Variants in TP53TG5 observed in about 807,000 individuals in gnomAD.
TP53TG5 encodes the protein TP53-target gene 5 protein.
A neutral mutation model predicts 30.0 loss-of-function variants in TP53TG5; 17 were observed. That is an observed-to-expected ratio of 0.57 (90% CI 0.39 to 0.85). The LOEUF is 0.85. Ranked by LOEUF, TP53TG5 falls within the 40% of genes least tolerant of loss-of-function variation. TP53TG5 has a pLI of 0.00. For missense variants in TP53TG5, 338 were observed against 367.9 expected (o/e 0.92, Z 0.67); for synonymous variants, 137 against 139.2 (o/e 0.98, Z 0.11).
Position 45,374,013 on chromosome 20 carries a change from T to A in TP53TG5, c.769-2A>T, listed in dbSNP as rs183076524. 1.9e-4 allele frequency: 306 copies of A among 1,613,920 alleles called. 1 individual carries two copies. The highest frequency in any genetic ancestry group is 4.7e-5 in the Non-Finnish European group (55 of 1,180,000). On this transcript the variant is annotated splice_acceptor_variant, in intron 4 of 4. Transcript: ENST00000372726. LOFTEE classifies it high-confidence loss of function. ...GGCTCTCGTCCAGGTCACATCAACC[T>A]GCCAGCAGAAACCTCGGTGTTAGGC...
At position 45,373,693 on chromosome 20, in the gene TP53TG5, A is replaced by T. The variant is rs1568921265; in HGVS notation, c.*214T>A. ...GCGCCCTGACTTCACAGAGCGCGCC[A>T]CTCAGGAGACTAGCTCGCGGAGGTG... is the stretch of plus-strand genomic sequence containing the variant. On this transcript the variant is annotated 3_prime_UTR_variant, in exon 5 of 5. Coordinates refer to ENST00000372726, the MANE Select transcript of TP53TG5 (RefSeq NM_014477.3). 4 of 584,128 alleles carry T rather than the reference A, an allele frequency of 6.8e-6. No individual in the cohort carries two copies. The highest frequency in any genetic ancestry group is 1.2e-5 in the Non-Finnish European group (4 of 329,498). The allele number at this position is 584,128 out of a possible 1,614,324, so 36.2% of individuals were successfully genotyped here.
At chr20:45,374,417 G>T (rs1215413999) in intron 4 of TP53TG5, 6 of 584,552 alleles carry the variant, frequency 1.0e-5, no homozygotes, top group South Asian at 6.7e-5. Context: ...TACTACAAGC[G>T]CAAGGCACCA....
At chr20:45,375,666 A>C (rs1988710028) in intron 3 of TP53TG5, 114 bp from the exon 4 acceptor site, 4 of 1,335,948 alleles carry the variant, frequency 3.0e-6, no homozygotes, top group Non-Finnish European at 4.1e-6. Flanking sequence ...AGGGGCCTGC[A>C]AAGAAACTTC....
rs1407296020 is a variant in TP53TG5 at position 45,375,135 on chromosome 20, C to T, written c.672G>A (p.Arg224=). ...GCAGGGTGGAGGATCTGCACATCAC[C>T]CTGGGCGCCGGGAGGTGGATTCGTG... The part of the protein sequence containing the change: ...LPTRIHLPAP[R]VMCRSSTLRW... Residue 224 remains arginine (R), a synonymous_variant, in exon 4 of 5, where the codon AGG becomes AGA. Transcript: ENST00000372726. 1 of 1,614,128 alleles carries T rather than the reference C, an allele frequency of 6.2e-7. No homozygotes were observed. The highest frequency in any genetic ancestry group is 1.7e-5 in the Admixed American group (1 of 60,024).
intron 3 of TP53TG5, chr20:45,375,760 C>T: frequency 1.7e-6 from 1 of 603,692 alleles, no homozygotes; most frequent in Non-Finnish European, 2.9e-6. Flanking sequence ...AAGGTGAAAG[C>T]CATGACTAGT....
intron 4 of TP53TG5, chr20:45,374,328 A>C (rs1296003536): frequency 5.8e-6 from 4 of 686,462 alleles, no homozygotes; most frequent in Non-Finnish European, 1.0e-5. Context: ...GCTGGAGTGC[A>C]GTGGCGAAGT....
intron 4 of TP53TG5, 150 bp downstream of exon 4, chr20:45,374,889 C>T: frequency 1.2e-5 from 13 of 1,079,938 alleles, no homozygotes; most frequent in Non-Finnish European, 1.6e-5. Context: ...AGGCTTCCCC[C>T]TCTCTGGACA....
intron 3 of TP53TG5, chr20:45,376,929 C>T (rs999291048): frequency 4.1e-5 from 14 of 339,518 alleles, no homozygotes; most frequent in Non-Finnish European, 6.0e-5. Context: ...GTGAAGTGAG[C>T]ACCACAACTG....
In TP53TG5 at chr20:45,377,340, C is replaced by T. The variant is rs759416096; in HGVS notation, c.126G>A (p.Val42=). 7 of 1,614,068 alleles carry T rather than the reference C, an allele frequency of 4.3e-6. No homozygotes were observed. The highest frequency in any genetic ancestry group is 5.9e-6 in the Non-Finnish European group (7 of 1,180,010). The change falls in exon 3 of 5, where the codon GTG becomes GTA. Residue 42 remains valine, a splice_region_variant and synonymous_variant. Coordinates refer to ENST00000372726, the MANE Select transcript of TP53TG5 (RefSeq NM_014477.3). ...GCTTCAAGAGCGACAAGTTTTTTAA[C>T]ACCTGCCAGGGTCAAGAAACCAGGT... ...KVIERNRLRT[V]LKNLSLLKLL...
Position 45,375,339 on chromosome 20 carries a change from C to T in TP53TG5, c.468G>A (p.Glu156=). ...AAMPRKEKHI[E]PEVPRTSRDD... is the part of the protein sequence containing the mutation. Reference sequence around the variant, plus strand: ...CCCTCGATGTCCTTGGAACCTCAGGCTCTATATGCTTTTCTTTCCGTGGCA... The same window carrying T: ...CCCTCGATGTCCTTGGAACCTCAGGTTCTATATGCTTTTCTTTCCGTGGCA... Residue 156 remains glutamate (E), a synonymous_variant, in exon 4 of 5, where the codon GAG becomes GAA. Transcript: ENST00000372726. 1.2e-6 allele frequency: 2 copies of T among 1,614,166 alleles called. No individual in the cohort carries two copies. Among genetic ancestry groups the T allele is most frequent in the South Asian group, 1.1e-5 (1 of 91,084 alleles).
chr20:45,373,471 C>T lies in TP53TG5; in HGVS notation c.*436G>A, dbSNP rs1056036874. 4.1e-5 allele frequency: 9 copies of T among 219,796 alleles called. No individual in the cohort carries two copies. The highest frequency in any genetic ancestry group is 1.6e-4 in the African/African-American group (7 of 44,648). 13.6% of individuals were successfully genotyped at this position (219,796 alleles called of 1,614,324 possible). The stretch of plus-strand genomic sequence containing the variant: ...GGTGCTGGGGCTATTCCGCCTGCCT[C>T]GTGACTTCTGAGCAGGCTCTCATTT... On this transcript the variant is annotated 3_prime_UTR_variant, in exon 5 of 5. Coordinates refer to ENST00000372726, the MANE Select transcript of TP53TG5 (RefSeq NM_014477.3).
At chr20:45,376,192 C>A (rs976661176) in intron 3 of TP53TG5, 1 of 152,158 alleles carries the variant, frequency 6.6e-6, no homozygotes, top group Admixed American at 6.5e-5. Flanking sequence ...GAAAGAGGAG[C>A]CCAGAAAGGT....
At position 45,375,246 on chromosome 20, in the gene TP53TG5, A is replaced by G; in HGVS notation, c.561T>C (p.Ile187=). Residue 187 remains isoleucine, a synonymous_variant, in exon 4 of 5, where the codon ATT becomes ATC. Coordinates refer to ENST00000372726, the MANE Select transcript of TP53TG5 (RefSeq NM_014477.3). ...PLTEGPRVIF[I]KPYRNRTPMG... is the part of the protein sequence containing the mutation. ...TGGGAGTTCTATTGCGGTAGGGCTTAATGAAGATGACTCGGGGGCCCTCGG... is the reference window on the plus strand; with the variant it reads ...TGGGAGTTCTATTGCGGTAGGGCTTGATGAAGATGACTCGGGGGCCCTCGG... The G allele has an allele frequency of 6.2e-7, 1 of 1,614,142 alleles. No homozygotes were observed. Among genetic ancestry groups the G allele is most frequent in the Non-Finnish European group, 8.5e-7 (1 of 1,180,026 alleles).
At position 45,377,345 on chromosome 20, in the gene TP53TG5, G is replaced by T. The variant is rs767248582; in HGVS notation, c.124-3C>A. The stretch of plus-strand genomic sequence containing the variant: ...AAGAGCGACAAGTTTTTTAACACCT[G>T]CCAGGGTCAAGAAACCAGGTAAATA... On this transcript the variant is annotated splice_polypyrimidine_tract_variant and splice_region_variant and intron_variant, in intron 2 of 4. Transcript: ENST00000372726. The T allele has an allele frequency of 9.3e-6, 15 of 1,613,938 alleles. No homozygotes were observed. In the East Asian group the frequency reaches 2.9e-4, roughly 31 times the overall value.
intron 3 of TP53TG5, 81 bp downstream of exon 3, chr20:45,377,131 G>C (rs1406257340): frequency 1.9e-6 from 3 of 1,545,258 alleles, no homozygotes; most frequent in Non-Finnish European, 2.6e-6. Flanking sequence ...AATTAGACTT[G>C]TTCTCTAAAT....
Position 45,375,379 on chromosome 20 carries a change from G to GT in TP53TG5, c.427dup (p.Thr143AsnfsTer16), listed in dbSNP as rs1568922704. On this transcript the variant is annotated frameshift_variant, in exon 4 of 5. Coordinates refer to ENST00000372726, the MANE Select transcript of TP53TG5 (RefSeq NM_014477.3). LOFTEE classifies it high-confidence loss of function. The stretch of plus-strand genomic sequence containing the variant: ...TTTCCGTGGCATTGCCGCCAATGAC[G>GT]TTTTCTCCTTGTTCCTCATCCCTGA... 6.2e-7 allele frequency: 1 copy of GT among 1,614,078 alleles called. No individual in the cohort carries two copies. Among genetic ancestry groups the GT allele is most frequent in the Non-Finnish European group, 8.5e-7 (1 of 1,180,026 alleles).
intron 4 of TP53TG5, 76 bp downstream of exon 4, chr20:45,374,963 G>T (rs976324814): frequency 2.3e-5 from 35 of 1,542,962 alleles, no homozygotes; most frequent in Non-Finnish European, 3.1e-5. Context: ...CCTGAACCCT[G>T]ACTCTGGGGC....
chr20:45,373,875 C>T lies in TP53TG5; in HGVS notation c.*32G>A, dbSNP rs1393228838. 1 of 1,578,702 alleles carries T rather than the reference C, an allele frequency of 6.3e-7. No individual in the cohort carries two copies. ...GCCCCAGACAAACAGGCAGAGTAAG[C>T]AGTATTCGTCTTAGGTGCCATATGG... On this transcript the variant is annotated 3_prime_UTR_variant, in exon 5 of 5. Coordinates refer to ENST00000372726, the MANE Select transcript of TP53TG5 (RefSeq NM_014477.3).
At chr20:45,374,054 A>G (rs780759395) in intron 4 of TP53TG5, 43 bp from the exon 5 acceptor site, 6 of 1,597,622 alleles carry the variant, frequency 3.8e-6, no homozygotes, top group African/African-American at 1.3e-5. Flanking sequence ...GACTGTCCCC[A>G]GGGGGCGCTG....
Sources: gnomAD v4.1 joint callset for allele counts on GRCh38, gnomAD v4.1.1 for gene constraint, MANE v1.5 for transcripts, NCBI Gene and HGNC (gene_info 2026-07-23, HGNC 2026-07-21) for gene names.